The following BNC2 variants were observed in gnomAD, a reference collection of about 807,000 sequenced individuals.
The protein encoded by BNC2 is zinc finger protein basonuclin-2.
Under a neutral mutation model 76.3 loss-of-function variants are expected in BNC2, and 20 were observed. The observed-to-expected ratio is 0.26, with a 90% confidence interval of 0.18 to 0.38. The LOEUF (loss-of-function observed/expected upper bound fraction) is 0.38, where lower values mean the gene tolerates loss of function less well. Ranked by LOEUF, BNC2 falls within the 10% of genes least tolerant of loss-of-function variation. BNC2 has a pLI of 1.00. For synonymous variants in BNC2, 582 were observed against 514.8 expected, an observed-to-expected ratio of 1.13 and a Z score of -1.77; for missense variants, 1,382 against 1,399.8, an observed-to-expected ratio of 0.99 and a Z score of 0.20.
At chr9:16,864,731 C>T (rs1012225819) in intron 1 of BNC2, among the ~76,000 whole-genome samples, 6 of 152,146 alleles carry the variant, frequency 3.9e-5, no homozygotes, top group African/African-American at 1.4e-4. Flanking sequence ...ACAATAGTCT[C>T]GACGCTTACT....
intron 1 of BNC2, among the ~76,000 whole-genome samples, chr9:16,793,139 A>G (rs1196016172): frequency 3.9e-5 from 6 of 152,264 alleles, no homozygotes; most frequent in Non-Finnish European, 5.9e-5. Flanking sequence ...GTCAGACACC[A>G]AAACAAATCC....
At chr9:16,641,614 A>G (rs1821494127) in intron 3 of BNC2, among the ~76,000 whole-genome samples, 3 of 152,236 alleles carry the variant, frequency 2.0e-5, no homozygotes, top group Admixed American at 2.0e-4. Context: ...GATGCAAATT[A>G]CATATTGGAC....
chr9:16,536,627 T>C (rs763348461), intron 5 of BNC2, among the ~76,000 whole-genome samples: 7 of 152,148 alleles, frequency 4.6e-5, no homozygotes, highest in Admixed American at 6.5e-5. Flanking sequence ...AACTGTAACA[T>C]TAAATAAAGC....
intron 1 of BNC2, among the ~76,000 whole-genome samples, chr9:16,778,442 T>C (rs922139372): frequency 1.3e-5 from 2 of 152,104 alleles, no homozygotes; most frequent in Non-Finnish European, 2.9e-5. Flanking sequence ...TAAATCCTTC[T>C]TTTCAGCCAA....
chr9:16,735,551 C>T (rs1441603550), intron 2 of BNC2, among the ~76,000 whole-genome samples: 1 of 152,116 alleles, frequency 6.6e-6, no homozygotes, highest in Non-Finnish European at 1.5e-5. Flanking sequence ...GGCTGGAGTG[C>T]AGTGCCGTGA....
At chr9:16,850,154 T>C (rs570844373) in intron 1 of BNC2, among the ~76,000 whole-genome samples, 6 of 152,222 alleles carry the variant, frequency 3.9e-5, no homozygotes, top group African/African-American at 7.2e-5. Flanking sequence ...CTTTTCTTGA[T>C]ATCCTTTGCC....
intron 1 of BNC2, among the ~76,000 whole-genome samples, chr9:16,834,182 C>T (rs1818647862): frequency 8.2e-6 from 1 of 121,986 alleles, no homozygotes; most frequent in Non-Finnish European, 1.7e-5. Context: ...AAACTTTGAC[C>T]ATCACTGGCC....
At chr9:16,776,840 T>C (rs943936468) in intron 1 of BNC2, among the ~76,000 whole-genome samples, 1 of 152,134 alleles carries the variant, frequency 6.6e-6, no homozygotes, top group African/African-American at 2.4e-5. Flanking sequence ...GATAGGACAG[T>C]GGCAGCCAGG....
At chr9:16,808,238 G>A (rs1817959234) in intron 1 of BNC2, among the ~76,000 whole-genome samples, 1 of 151,966 alleles carries the variant, frequency 6.6e-6, no homozygotes, top group South Asian at 2.1e-4. Context: ...ATAGAATACT[G>A]ACAGCAAATT....
chr9:16,529,140 C>G (rs149319705), intron 5 of BNC2, among the ~76,000 whole-genome samples: 71 of 152,258 alleles, frequency 4.7e-4, no homozygotes, highest in African/African-American at 1.5e-3. Flanking sequence ...AGGGCCTACC[C>G]ACAGAGTCCG....
intron 3 of BNC2, 21 bp downstream of exon 3, chr9:16,727,776 T>A: frequency 1.3e-6 from 2 of 1,586,970 alleles, no homozygotes; most frequent in South Asian, 2.3e-5. Flanking sequence ...AAAAAAAAAA[T>A]CAAGAAAGAA....
intron 5 of BNC2, among the ~76,000 whole-genome samples, chr9:16,491,312 C>T (rs1208417458): frequency 6.6e-6 from 1 of 152,168 alleles, no homozygotes; most frequent in Non-Finnish European, 1.5e-5. Flanking sequence ...AAGTAAGATC[C>T]TTCCACTGCA....
intron 1 of BNC2, among the ~76,000 whole-genome samples, chr9:16,847,394 C>G (rs1819010164): frequency 1.4e-4 from 1 of 7,240 alleles, no homozygotes; most frequent in African/African-American, 5.6e-4. Context: ...CTGAAGATTT[C>G]TCGGGGCGGG....
intron 3 of BNC2, among the ~76,000 whole-genome samples, chr9:16,619,715 C>A (rs569580646): frequency 2.0e-5 from 3 of 152,120 alleles, no homozygotes; most frequent in Non-Finnish European, 2.9e-5. Context: ...AGGATTAGCA[C>A]ATGATTACCC....
chr9:16,582,841 T>C (rs1000310760), intron 4 of BNC2, 142 bp downstream of exon 4: 6 of 716,308 alleles, frequency 8.4e-6, no homozygotes, highest in South Asian at 4.8e-5. Context: ...TAACTAACAC[T>C]TGGAGCACAG....
rs71327858 is a variant in BNC2 at position 16,779,301 on chromosome 9, C to CAAA, written c.4-40819_4-40817dup. Reference sequence around the variant, plus strand: ...CCTGCGTGACAGAGAGACCCTCTCTCAAAAAAAAAAAAAAAAAAGATTTTG... The same window carrying CAAA: ...CCTGCGTGACAGAGAGACCCTCTCTCAAAAAAAAAAAAAAAAAAAAAGATTTTG... On this transcript the variant is annotated intron_variant, in intron 1 of 6. Coordinates refer to ENST00000380672, the MANE Select transcript of BNC2 (RefSeq NM_017637.6). Among the ~76,000 whole-genome samples the CAAA allele has an allele frequency of 5.3e-3, 557 of 105,214 alleles. 5 individuals are homozygous for CAAA. The highest frequency in any genetic ancestry group is 0.019 in the African/African-American group (533 of 28,422). The allele number at this position is 105,214 out of a possible 152,430, so 69.0% of individuals were successfully genotyped here.
intron 2 of BNC2, among the ~76,000 whole-genome samples, chr9:16,737,993 A>G (rs537741952): frequency 6.6e-6 from 1 of 152,302 alleles, no homozygotes; most frequent in African/African-American, 2.4e-5. Flanking sequence ...GTTTACTACT[A>G]ACACTATTAA....
At chr9:16,546,546 T>C (rs1818488669) in intron 5 of BNC2, among the ~76,000 whole-genome samples, 1 of 152,128 alleles carries the variant, frequency 6.6e-6, no homozygotes, top group Non-Finnish European at 1.5e-5. Context: ...GAATTTACAA[T>C]AAAGCATTAA....
chr9:16,615,130 G>A (rs1372229751), intron 3 of BNC2, among the ~76,000 whole-genome samples: 2 of 152,012 alleles, frequency 1.3e-5, no homozygotes, highest in African/African-American at 4.8e-5. Context: ...GATACAGCAT[G>A]ATAAACCCAT....
Sources: allele counts gnomAD v4.1 joint callset (sites outside exome capture counted in the v4.1 genomes callset), GRCh38; gene constraint gnomAD v4.1.1; transcripts MANE v1.5; gene names NCBI Gene and HGNC (gene_info 2026-07-23, HGNC 2026-07-21).